The following SRCIN1 variants were observed in gnomAD, a reference collection of about 807,000 sequenced individuals.
SRCIN1 encodes P130Cas-associated protein.
Under a neutral mutation model 116.2 loss-of-function variants are expected in SRCIN1, and 50 were observed. That is an observed-to-expected ratio of 0.43 (90% CI 0.34 to 0.54). The LOEUF (loss-of-function observed/expected upper bound fraction) is 0.54. Ranked by LOEUF, SRCIN1 falls within the 20% of genes least tolerant of loss-of-function variation. The pLI, the probability that SRCIN1 is intolerant of heterozygous loss-of-function variation, is 0.02. For synonymous variants in SRCIN1, 736 were observed against 750.0 expected, an observed-to-expected ratio of 0.98 and a Z score of 0.30; for missense variants, 1,446 against 1,672.0, an observed-to-expected ratio of 0.86 and a Z score of 2.36.
rs145586359 is a variant in SRCIN1 at position 38,591,536 on chromosome 17, A to G, written c.23-12745T>C. On this transcript the variant is annotated intron_variant, in intron 1 of 18. Transcript: ENST00000617146. ...CAGGTGACTCCTCTCTGCTTCTGTT[A>G]CTAAAGTGCCTTCGCTAGTGCCCCT... is the stretch of plus-strand genomic sequence containing the variant. Among the ~76,000 whole-genome samples the G allele has an allele frequency of 2.1e-3, 319 of 152,282 alleles. 2 individuals are homozygous for G. The highest frequency in any genetic ancestry group is 7.2e-3 in the African/African-American group (300 of 41,540).
intron 17 of SRCIN1, 44 bp downstream of exon 17, chr17:38,548,513 G>A (rs1230973524): frequency 1.2e-6 from 2 of 1,601,804 alleles, no homozygotes; most frequent in Admixed American, 1.7e-5. Flanking sequence ...GGGAGGGAAG[G>A]GGGCCTGGCT....
In SRCIN1 at chr17:38,551,767, G is replaced by A. The variant is rs1905430810; in HGVS notation, c.2727+119C>T. The A allele has an allele frequency of 1.9e-6, 3 of 1,540,944 alleles. 1 individual carries two copies. In the East Asian group the frequency reaches 6.8e-5, roughly 35 times the overall value. On this transcript the variant is annotated intron_variant, in intron 14 of 18. Transcript: ENST00000617146. ...CTTCTTAGGCTTCCATTAGGGCACTGGCCCTCCTCCCCCAAGGAAAAAGAC... is the reference window on the plus strand; with the variant it reads ...CTTCTTAGGCTTCCATTAGGGCACTAGCCCTCCTCCCCCAAGGAAAAAGAC...
intron 1 of SRCIN1, among the ~76,000 whole-genome samples, chr17:38,590,728 C>A (rs1457917254): frequency 7.1e-6 from 1 of 141,154 alleles, no homozygotes. Context: ...CTGATCTCAA[C>A]TGCCGGGGTG....
chr17:38,534,040 A>G (rs978532564), intron 18 of SRCIN1, among the ~76,000 whole-genome samples: 4 of 152,316 alleles, frequency 2.6e-5, no homozygotes, highest in African/African-American at 7.2e-5. Context: ...CGCCCAGTGC[A>G]GGAGGCCCCA....
At chr17:38,538,416 C>CAAATAAA (rs1904524985) in intron 18 of SRCIN1, among the ~76,000 whole-genome samples, 1 of 100,570 alleles carries the variant, frequency 9.9e-6, no homozygotes, top group Non-Finnish European at 2.1e-5. Context: ...GACTCCGTCT[C>CAAATAAA]AAAAAAAAAA....
At chr17:38,605,389 GC>G (rs1909302033) in intron 1 of SRCIN1, among the ~76,000 whole-genome samples, 1 of 143,218 alleles carries the variant, frequency 7.0e-6, no homozygotes, top group South Asian at 2.3e-4. Flanking sequence ...AACCCCTCTG[GC>G]CCCCACCCCG....
chr17:38,571,664 C>A (rs923189229), intron 2 of SRCIN1, among the ~76,000 whole-genome samples: 1 of 152,104 alleles, frequency 6.6e-6, no homozygotes. Flanking sequence ...GGGGAGACCC[C>A]GGCAGGGGCA....
chr17:38,573,969 C>T (rs1465407702), intron 2 of SRCIN1, among the ~76,000 whole-genome samples: 1 of 152,212 alleles, frequency 6.6e-6, no homozygotes, highest in Non-Finnish European at 1.5e-5. Context: ...GCTAAAACAT[C>T]CTCCCTCTGA....
At chr17:38,574,676 G>A (rs180850136) in intron 2 of SRCIN1, among the ~76,000 whole-genome samples, 27 of 152,324 alleles carry the variant, frequency 1.8e-4, no homozygotes, top group African/African-American at 6.3e-4. Flanking sequence ...CCAGGCCTGA[G>A]GAGGTAGTGG....
chr17:38,601,608 G>A (rs1391988898), intron 1 of SRCIN1, among the ~76,000 whole-genome samples: 2 of 151,600 alleles, frequency 1.3e-5, no homozygotes, highest in African/African-American at 4.9e-5. Context: ...GTGGGGAGGG[G>A]GATGGCGCCC....
chr17:38,534,546 G>A (rs1380809387), intron 18 of SRCIN1, among the ~76,000 whole-genome samples: 4 of 152,156 alleles, frequency 2.6e-5, no homozygotes, highest in African/African-American at 9.7e-5. Flanking sequence ...AAGACAGGGC[G>A]CTGTGGCGAG....
Position 38,531,092 on chromosome 17 carries a change from C to G in SRCIN1, c.*2205G>C, listed in dbSNP as rs2144865880. 1 of 152,752 alleles carries G rather than the reference C, an allele frequency of 6.5e-6. No homozygotes were observed. The highest frequency in any genetic ancestry group is 2.4e-5 in the African/African-American group (1 of 41,560). The allele number at this position is 152,752 out of a possible 1,614,324, so 9.5% of individuals were successfully genotyped here. A position where few individuals can be genotyped will look rare whatever the true frequency, so the allele number is the denominator to read the frequency against. ...CCTTCTGCCCCTTCGTGGATGGACACTGCCCCCCCCACCTCCCCCACAAAG... is the reference window on the plus strand; with the variant it reads ...CCTTCTGCCCCTTCGTGGATGGACAGTGCCCCCCCCACCTCCCCCACAAAG... On this transcript the variant is annotated 3_prime_UTR_variant, in exon 19 of 19. Transcript: ENST00000617146.
intron 1 of SRCIN1, among the ~76,000 whole-genome samples, chr17:38,588,843 C>G (rs1908286225): frequency 6.6e-6 from 1 of 152,190 alleles, no homozygotes; most frequent in African/African-American, 2.4e-5. Flanking sequence ...GGCAGGAGAC[C>G]CAGCCTTGCC....
At chr17:38,548,934 C>A in intron 16 of SRCIN1, 122 bp downstream of exon 16, 1 of 1,312,116 alleles carries the variant, frequency 7.6e-7, no homozygotes, top group South Asian at 1.5e-5. Flanking sequence ...CGGCCACTCC[C>A]TCTTTCCTTC....
Position 38,551,209 on chromosome 17 carries a change from G to T in SRCIN1, c.2908C>A (p.Pro970Thr), listed in dbSNP as rs780565133. 2.5e-6 allele frequency: 4 copies of T among 1,600,690 alleles called. No individual in the cohort carries two copies. Among genetic ancestry groups the T allele is most frequent in the Non-Finnish European group, 3.4e-6 (4 of 1,172,448 alleles). Residue 970 changes from proline to threonine, a missense_variant, in exon 15 of 19, where the codon CCC becomes ACC. By Grantham distance (38) the Pro-to-Thr change is conservative. Transcript: ENST00000617146. ...CGGGGGGCTGCCTTCTGGCCGTGGG[G>T]GGCCTTGGGGGGCTTGTGATCTGGA... ...PTPDHKPPKAPHGQKAAPRTE... is the reference protein window; with the variant it reads ...PTPDHKPPKATHGQKAAPRTE...
intron 1 of SRCIN1, among the ~76,000 whole-genome samples, chr17:38,605,301 C>T (rs1909297477): frequency 7.4e-6 from 1 of 136,002 alleles, no homozygotes; most frequent in Middle Eastern, 3.4e-3. Context: ...GGACGCCCTT[C>T]TCCCCCCACC....
At chr17:38,595,500 G>A (rs1432395584) in intron 1 of SRCIN1, among the ~76,000 whole-genome samples, 1 of 152,240 alleles carries the variant, frequency 6.6e-6, no homozygotes, top group African/African-American at 2.4e-5. Context: ...ACAGGCGTGA[G>A]CCACCGCGCC....
rs1316509490 is a variant in SRCIN1 at position 38,552,475 on chromosome 17, C to A, written c.2452G>T (p.Val818Phe). 1.2e-6 allele frequency: 2 copies of A among 1,603,384 alleles called. No homozygotes were observed. Among genetic ancestry groups the A allele is most frequent in the Admixed American group, 1.7e-5 (1 of 58,338 alleles). Residue 818 changes from valine to phenylalanine, a missense_variant, in exon 13 of 19, where the codon GTC becomes TTC. By Grantham distance (50) the Val-to-Phe change is conservative. Coordinates refer to ENST00000617146, the MANE Select transcript of SRCIN1 (RefSeq NM_025248.3). This position sits in a 1 kb window ranked among gnomAD's most constrained non-coding sequence, Gnocchi z 5.3. The stretch of plus-strand genomic sequence containing the variant: ...CGGATCTGGGCCAGCGTGTCCGTGA[C>A]CCCGCGGCAGCGCTTGAGGAGCCCA... The part of the protein sequence containing the change: ...LDGLLKRCRG[V>F]TDTLAQIRRQ...
Position 38,589,610 on chromosome 17 carries a change from A to G in SRCIN1, c.23-10819T>C, listed in dbSNP as rs375202022. ...GCCAATGGGGCGATGTTCATGAGTG[A>G]GACCCTCCTCTGGGACCTGGTTGCC... On this transcript the variant is annotated intron_variant, in intron 1 of 18. Transcript: ENST00000617146. Among the ~76,000 whole-genome samples the G allele has an allele frequency of 4.6e-4, 70 of 152,316 alleles. 1 individual carries two copies. In the East Asian group the frequency reaches 0.013, roughly 27 times the overall value.
Sources: gnomAD v4.1 joint callset for allele counts (sites outside exome capture counted in the v4.1 genomes callset) on GRCh38, gnomAD v4.1.1 for gene constraint, Gnocchi (gnomAD v3.1) non-coding constraint, MANE v1.5 for transcripts, NCBI Gene and HGNC (gene_info 2026-07-23, HGNC 2026-07-21) for gene names.